PLB1: variants seen among roughly 807,000 people sequenced by gnomAD.
The protein encoded by PLB1 is phospholipase B1.
PLB1 carries 242 observed loss-of-function variants against 227.4 expected under a neutral mutation model. That is an observed-to-expected ratio of 1.06 (90% CI 0.96 to 1.18). The LOEUF is 1.18. Ranked by LOEUF, PLB1 falls within the 50% of genes most tolerant of loss-of-function variation. The pLI, the probability that PLB1 is intolerant of heterozygous loss-of-function variation, is 0.00. For synonymous variants in PLB1, 757 were observed against 682.2 expected, an observed-to-expected ratio of 1.11 and a Z score of -1.71; for missense variants, 1,858 against 1,816.3, an observed-to-expected ratio of 1.02 and a Z score of -0.42.
rs778113518 is a variant in PLB1, at chr2:28,625,108, C to T, written c.3579C>T (p.Pro1193=). 1.4e-5 allele frequency: 23 copies of T among 1,612,914 alleles called. No homozygotes were observed. Among genetic ancestry groups the T allele is most frequent in the East Asian group, 4.5e-5 (2 of 44,778 alleles). ...TGGTAGAGCGAATGAAAAACAGCCC[C>T]GTGAGTACAGGCCCCCAGGCCACCC... The part of the protein sequence containing the change: ...WDLVERMKNS[P]DINLEKDWKL... Residue 1193 remains proline, a splice_region_variant and synonymous_variant, in exon 50 of 58, where the codon CCC becomes CCT. Transcript: ENST00000327757.
At chr2:28,582,284 A>G in intron 24 of PLB1, 121 bp from the exon 25 acceptor site, 1 of 1,186,720 alleles carries the variant, frequency 8.4e-7, no homozygotes, top group South Asian at 1.3e-5. Context: ...GGGTGGAGGA[A>G]GTGGATGGGG....
intron 1 of PLB1, among the ~76,000 whole-genome samples, chr2:28,499,968 T>C (rs538449922): frequency 6.6e-6 from 1 of 150,698 alleles, no homozygotes; most frequent in African/African-American, 2.4e-5. Flanking sequence ...TCTATGAGAT[T>C]AAGAAACCTT....
intron 56 of PLB1, among the ~76,000 whole-genome samples, chr2:28,639,332 CAA>C (rs34467682): frequency 0.012 from 1,438 of 124,938 alleles, 18 homozygotes; most frequent in African/African-American, 0.037. Flanking sequence ...AAGTTGAAGA[CAA>C]AAAAAAAAAA....
intron 17 of PLB1, among the ~76,000 whole-genome samples, chr2:28,553,594 C>T (rs1390872403): frequency 1.3e-5 from 2 of 152,152 alleles, no homozygotes; most frequent in African/African-American, 4.8e-5. Flanking sequence ...TAGCTATGGG[C>T]ATGTAACCTT....
intron 8 of PLB1, among the ~76,000 whole-genome samples, chr2:28,530,198 G>C (rs964608881): frequency 6.6e-6 from 1 of 152,092 alleles, no homozygotes; most frequent in African/African-American, 2.4e-5. Flanking sequence ...CCTTGTGGTC[G>C]TGCTGAAAGT....
At chr2:28,636,043 A>G (rs62129775) in intron 56 of PLB1, among the ~76,000 whole-genome samples, 16 of 145,734 alleles carry the variant, frequency 1.1e-4, no homozygotes, top group Non-Finnish European at 2.2e-4. Flanking sequence ...GTGTGTGTGT[A>G]TGTATGTGTA....
At chr2:28,592,517 C>T (rs904356273) in intron 31 of PLB1, 144 bp from the exon 32 acceptor site, 3 of 787,364 alleles carry the variant, frequency 3.8e-6, no homozygotes, top group East Asian at 2.5e-5. Flanking sequence ...ATAACTTTGC[C>T]TCCATGGCAC....
At chr2:28,537,844 A>C (rs1196087662) in intron 9 of PLB1, among the ~76,000 whole-genome samples, 2 of 152,050 alleles carry the variant, frequency 1.3e-5, no homozygotes, top group Admixed American at 1.3e-4. Flanking sequence ...TAGGGCAAAC[A>C]CAGCAAGAGA....
intron 1 of PLB1, among the ~76,000 whole-genome samples, chr2:28,503,335 T>C (rs62141268): frequency 6.6e-6 from 1 of 151,724 alleles, no homozygotes; most frequent in Admixed American, 6.6e-5. Context: ...AAAAAAAATT[T>C]GTAGGGAGGG....
intron 2 of PLB1, among the ~76,000 whole-genome samples, chr2:28,517,642 G>A (rs1669006607): frequency 6.6e-6 from 1 of 152,148 alleles, no homozygotes; most frequent in African/African-American, 2.4e-5. Flanking sequence ...GGTAAATATA[G>A]CATGGAATAT....
intron 56 of PLB1, among the ~76,000 whole-genome samples, chr2:28,634,905 T>TATC (rs70956025): frequency 0.073 from 11,107 of 151,702 alleles, 457 homozygotes; most frequent in Non-Finnish European, 0.091. Context: ...AGTGAGACCC[T>TATC]ATCTCAAAAA....
chr2:28,505,055 A>G (rs1336754585), intron 1 of PLB1, among the ~76,000 whole-genome samples: 7 of 152,206 alleles, frequency 4.6e-5, no homozygotes, highest in African/African-American at 1.7e-4. Context: ...AACTAAATTC[A>G]TGGTGTGAGG....
chr2:28,590,451 C>G (rs1362792266), intron 29 of PLB1, among the ~76,000 whole-genome samples: 1 of 152,176 alleles, frequency 6.6e-6, no homozygotes. Context: ...GCCCCTGCCT[C>G]CATGACAATA....
In PLB1 at chr2:28,539,028, GGA is replaced by G. The variant is rs549231029; in HGVS notation, c.619-69_619-68del. Reference sequence around the variant, plus strand: ...ACCACACCCCAACGGGGCCCAAGCAGGAGTTCCAGAAAGCCCGGCAGCCATGG... The same window carrying G: ...ACCACACCCCAACGGGGCCCAAGCAGGTTCCAGAAAGCCCGGCAGCCATGG... On this transcript the variant is annotated intron_variant, in intron 10 of 57. Transcript: ENST00000327757. 377 of 1,250,220 alleles carry G rather than the reference GGA, an allele frequency of 3.0e-4. 3 individuals carry two copies. In the East Asian group the frequency reaches 8.2e-3, roughly 27 times the overall value. 77.4% of individuals were successfully genotyped at this position (1,250,220 alleles called of 1,614,324 possible).
chr2:28,502,695 T>A (rs35946599), intron 1 of PLB1, among the ~76,000 whole-genome samples: 26,890 of 152,152 alleles, frequency 0.18, 2,543 homozygotes, highest in South Asian at 0.27. Flanking sequence ...GTTTCTTTTT[T>A]CTCTCTGCCC....
chr2:28,589,108 T>C (rs1038570396), intron 26 of PLB1, among the ~76,000 whole-genome samples: 2 of 151,772 alleles, frequency 1.3e-5, no homozygotes, highest in African/African-American at 4.8e-5. Context: ...GAGGTTGCAG[T>C]GAGCCAAGAT....
chr2:28,579,551 G>C lies in PLB1; in HGVS notation c.1486-76G>C, dbSNP rs1420904407. 1.0e-5 allele frequency: 12 copies of C among 1,200,230 alleles called. No homozygotes were observed. In the East Asian group the frequency reaches 2.4e-4, roughly 24 times the overall value. The allele number at this position is 1,200,230 out of a possible 1,614,324, so 74.3% of individuals were successfully genotyped here. ...GGTGTGTGAGGACCCATCTTTTCTA[G>C]TTTGCAAGCATTTTGTGTTTTCCTT... On this transcript the variant is annotated intron_variant, in intron 22 of 57. Coordinates refer to ENST00000327757, the MANE Select transcript of PLB1 (RefSeq NM_153021.5).
intron 1 of PLB1, among the ~76,000 whole-genome samples, chr2:28,507,998 T>G (rs1305681853): frequency 6.6e-6 from 1 of 152,170 alleles, no homozygotes; most frequent in Non-Finnish European, 1.5e-5. Flanking sequence ...TTCCTGATGG[T>G]AAATCTAGAG....
chr2:28,502,066 G>A (rs1667164310), intron 1 of PLB1, among the ~76,000 whole-genome samples: 1 of 152,064 alleles, frequency 6.6e-6, no homozygotes, highest in East Asian at 1.9e-4. Context: ...CCTTCCATAA[G>A]GATTGTACCA....
Sources: gnomAD v4.1 joint callset for allele counts (sites outside exome capture counted in the v4.1 genomes callset) on GRCh38, gnomAD v4.1.1 for gene constraint, MANE v1.5 for transcripts, NCBI Gene and HGNC (gene_info 2026-07-23, HGNC 2026-07-21) for gene names.